The following TRPM5 variants were observed in gnomAD, a reference collection of about 807,000 sequenced individuals.
TRPM5 encodes transient receptor potential cation channel subfamily M member 5.
TRPM5 carries 121 observed loss-of-function variants against 124.9 expected under a neutral mutation model. That is an observed-to-expected ratio of 0.97 (90% CI 0.84 to 1.13). The LOEUF (loss-of-function observed/expected upper bound fraction) is 1.13. TRPM5 is among the 50% of genes most tolerant of loss of function. The probability of loss-of-function intolerance (pLI) is 0.00; values close to 1 mark genes in which losing one functional copy is unlikely to be tolerated. For synonymous variants in TRPM5, 781 were observed against 700.5 expected (o/e 1.11, Z -1.81); for missense variants, 1,643 against 1,589.1 (o/e 1.03, Z -0.58).
intron 1 of TRPM5, among the ~76,000 whole-genome samples, chr11:2,422,640 G>A (rs762103464): frequency 1.1e-4 from 17 of 151,828 alleles, no homozygotes; most frequent in South Asian, 2.1e-4. Flanking sequence ...AGCCGAGGGC[G>A]CTGGACAGAG....
chr11:2,425,299 C>T (rs1845830068), upstream of TRPM5, among the ~76,000 whole-genome samples: 1 of 152,200 alleles, frequency 6.6e-6, no homozygotes, highest in Non-Finnish European at 1.5e-5. Flanking sequence ...TGGAAGCTCT[C>T]AGAGCGGGTC....
chr11:2,413,369 TAC>T, intron 13 of TRPM5, 105 bp downstream of exon 18: 1 of 1,315,384 alleles, frequency 7.6e-7, no homozygotes, highest in Non-Finnish European at 1.0e-6. Flanking sequence ...ACTTGGGGGC[TAC>T]AGAGTCAGGC....
upstream of TRPM5, among the ~76,000 whole-genome samples, chr11:2,423,925 C>T (rs879388847): frequency 7.2e-5 from 11 of 152,260 alleles, no homozygotes; most frequent in African/African-American, 2.2e-4. Context: ...CACCTCCCTC[C>T]GATTGCTCCT....
intron 23 of TRPM5, among the ~76,000 whole-genome samples, 192 bp downstream of exon 28, chr11:2,405,335 G>A (rs547453631): frequency 1.3e-5 from 2 of 152,322 alleles, no homozygotes; most frequent in South Asian, 2.1e-4. Context: ...AAGCACATTC[G>A]GCCCTGGCCA....
intron 2 of TRPM5, 31 bp from the exon 8 acceptor site, chr11:2,421,229 C>T (rs1845768519): frequency 1.1e-5 from 17 of 1,524,218 alleles, no homozygotes; most frequent in Admixed American, 2.1e-5. Context: ...CTCGTTGTGC[C>T]GCACGCCCCA....
At chr11:2,407,358 C>T in intron 19 of TRPM5, 58 bp from the exon 25 acceptor site, 1 of 1,507,698 alleles carries the variant, frequency 6.6e-7, no homozygotes, top group Non-Finnish European at 9.0e-7. Flanking sequence ...TTGGGGGACG[C>T]ATCCCCCTGC....
intron 12 of TRPM5, 52 bp downstream of exon 17, chr11:2,414,009 G>GTCCCCCCCCCCCCCC: frequency 9.8e-7 from 1 of 1,023,732 alleles, no homozygotes; most frequent in Non-Finnish European, 1.4e-6. Flanking sequence ...GGCCCAGCTC[G>GTCCCCCCCCCCCCCC]CCCGCCCACC....
At chr11:2,405,108 G>C in intron 23 of TRPM5, 65 bp from the exon 29 acceptor site, 1 of 1,422,908 alleles carries the variant, frequency 7.0e-7, no homozygotes, top group Non-Finnish European at 9.8e-7. Flanking sequence ...AAGGGGAGAG[G>C]TAGCTGGCTC....
intron 7 of TRPM5, among the ~76,000 whole-genome samples, chr11:2,417,494 C>A (rs529869432): frequency 2.3e-4 from 35 of 152,312 alleles, no homozygotes; most frequent in African/African-American, 7.7e-4. Flanking sequence ...ACAACCCCCC[C>A]ACCAAAAAAA....
At chr11:2,407,703 G>T in intron 19 of TRPM5, 56 bp downstream of exon 24, 2 of 1,590,548 alleles carry the variant, frequency 1.3e-6, no homozygotes, top group South Asian at 2.3e-5. Context: ...GTTGGGGAAT[G>T]ACCCTCTGCT....
At chr11:2,409,129 C>T (rs533825392) in intron 18 of TRPM5, among the ~76,000 whole-genome samples, 6 of 152,110 alleles carry the variant, frequency 3.9e-5, no homozygotes, top group African/African-American at 1.4e-4. Context: ...GTTAGTGTGA[C>T]GCGTTGGCCC....
exon 15 of TRPM5, chr11:2,413,005 C>G (rs780781313): frequency 6.2e-7 from 1 of 1,604,162 alleles, no homozygotes; most frequent in Non-Finnish European, 8.5e-7. Flanking sequence ...TCCACCAGCT[C>G]CTCCACCCTG....
At position 2,404,993 on chromosome 11, in the gene TRPM5, CT is replaced by C. The variant is rs778690422; in HGVS notation, c.3441del (p.Gly1148ValfsTer3). The C allele has an allele frequency of 6.2e-7, 1 of 1,612,852 alleles. No homozygotes were observed. Among genetic ancestry groups the C allele is most frequent in the Non-Finnish European group, 8.5e-7 (1 of 1,179,940 alleles). On this transcript the variant is annotated frameshift_variant, in exon 24 of 24. Transcript: ENST00000155858. LOFTEE classifies it low-confidence loss of function (END_TRUNC). ...GGTTGTTCCCAGCCATCTAAACCACCTCTGTGGTCAGCAGCCACCAGCTGGC... is the reference window on the plus strand; with the variant it reads ...GGTTGTTCCCAGCCATCTAAACCACCCTGTGGTCAGCAGCCACCAGCTGGC...
chr11:2,435,062 C>T, the TRPM5 span, among the ~76,000 whole-genome samples: 2 of 152,126 alleles, frequency 1.3e-5, no homozygotes, highest in Admixed American at 6.5e-5. The surrounding 1 kb of genome is among the most constrained non-coding windows in gnomAD (Gnocchi z 4.1). Flanking sequence ...CGGCCTCCCA[C>T]AGCACTGGAT....
At chr11:2,436,496 C>T in the TRPM5 span, among the ~76,000 whole-genome samples, 2 of 152,242 alleles carry the variant, frequency 1.3e-5, no homozygotes, top group Non-Finnish European at 2.9e-5. Context: ...TCACACGTCC[C>T]GGACAGGCCT....
At chr11:2,404,913 C>G in exon 24 of TRPM5, 1 of 1,596,482 alleles carries the variant, frequency 6.3e-7, no homozygotes, top group East Asian at 2.2e-5. Context: ...GAGAGGTGGC[C>G]CCACACGTGG....
At chr11:2,415,465 C>G in exon 9 of TRPM5, 1 of 1,566,058 alleles carries the variant, frequency 6.4e-7, no homozygotes, top group Non-Finnish European at 8.6e-7. Context: ...TCCTCCAGGT[C>G]ACAGGACTTG....
chr11:2,409,328 G>A (rs1413613385), intron 18 of TRPM5, among the ~76,000 whole-genome samples: 4 of 151,990 alleles, frequency 2.6e-5, no homozygotes, highest in African/African-American at 9.7e-5. Flanking sequence ...GGGCCAGCCT[G>A]GAGAGCCTGT....
rs773787043 is a variant in TRPM5 at position 2,413,593 on chromosome 11, G to C, written c.1891-5C>G. 7 of 1,611,366 alleles carry C rather than the reference G, an allele frequency of 4.3e-6. No homozygotes were observed. The highest frequency in any genetic ancestry group is 5.9e-6 in the Non-Finnish European group (7 of 1,179,168). Reference sequence around the variant, plus strand: ...CCAGATCCTGGTCAGGAAGGCCTGAGGTGAAGGCAAAACTGTCGGCTCCAA... The same window carrying C: ...CCAGATCCTGGTCAGGAAGGCCTGACGTGAAGGCAAAACTGTCGGCTCCAA... On this transcript the variant is annotated splice_polypyrimidine_tract_variant and splice_region_variant and intron_variant, in intron 12 of 23. Coordinates refer to ENST00000155858, the Ensembl canonical transcript of TRPM5.
Sources: gnomAD v4.1 joint callset for allele counts (sites outside exome capture counted in the v4.1 genomes callset) on GRCh38, gnomAD v4.1.1 for gene constraint, Gnocchi (gnomAD v3.1) non-coding constraint, MANE v1.5 for transcripts, NCBI Gene and HGNC (gene_info 2026-07-23, HGNC 2026-07-21) for gene names.